PDE4D: variants seen among roughly 807,000 people sequenced by gnomAD.
The protein encoded by PDE4D is phosphodiesterase 4D, also known as 3',5'-cyclic-AMP phosphodiesterase 4D.
In PDE4D, 24 loss-of-function variants were observed where a neutral mutation model predicts 87.4. The observed-to-expected ratio is 0.27, with a 90% CI of 0.20 to 0.39. The LOEUF is 0.39. Among genes scored for constraint, PDE4D ranks in the 10% least tolerant of loss-of-function variants. The pLI is 1.00. For missense variants in PDE4D, 714 were observed against 1,041.0 expected (o/e 0.69, Z 4.32); for synonymous variants, 384 against 383.2 (o/e 1.00, Z -0.02).
Position 60,242,739 on chromosome 5 carries a change from T to C in PDE4D, c.-89-57052A>G, listed in dbSNP as rs544648042. On this transcript the variant is annotated intron_variant, in intron 1 of 16. Transcript: ENST00000502484. ...AATATGCTCCTGAATGACCAACGGG[T>C]CATGAAGAAATTAAGAGGGAAATTA... Among the ~76,000 whole-genome samples the C allele has an allele frequency of 2.6e-5, 4 of 151,926 alleles. No individual in the cohort carries two copies. The South Asian group carries it at 8.3e-4, about 32-fold the overall frequency.
At chr5:60,143,606 T>A (rs1468205331) in intron 2 of PDE4D, among the ~76,000 whole-genome samples, 1 of 28,846 alleles carries the variant, frequency 3.5e-5, no homozygotes, top group African/African-American at 1.1e-4. Flanking sequence ...TTGGGAATTG[T>A]GTGTGTGTGT....
At chr5:59,212,768 C>T (rs532086851) in intron 2 of PDE4D, among the ~76,000 whole-genome samples, 2 of 152,068 alleles carry the variant, frequency 1.3e-5, no homozygotes, top group Non-Finnish European at 2.9e-5. Context: ...TTTGTCAATA[C>T]CAAGCCTGAC....
At chr5:59,140,456 T>C (rs1777726869) in intron 5 of PDE4D, among the ~76,000 whole-genome samples, 1 of 152,148 alleles carries the variant, frequency 6.6e-6, no homozygotes, top group African/African-American at 2.4e-5. Flanking sequence ...ATTTCTTGGA[T>C]GGAAAATTTA....
At chr5:59,229,168 T>C (rs1337781334) in intron 1 of PDE4D, among the ~76,000 whole-genome samples, 2 of 152,158 alleles carry the variant, frequency 1.3e-5, no homozygotes, top group Admixed American at 6.5e-5. Flanking sequence ...TCTACTTTGT[T>C]CGTTAATGTG....
rs936815356 is a variant in PDE4D, at chr5:60,394,168, C to A, written c.-90+93774G>T. 2.0e-5 allele frequency among the ~76,000 whole-genome samples: 3 copies of A among 152,140 alleles called. No individual in the cohort carries two copies. The East Asian group carries it at 5.8e-4, about 29-fold the overall frequency. ...ATTCACCTTTGTCAAGTAGGTCTGT[C>A]CTATACTTTTAACATGAAGACTCCA... On this transcript the variant is annotated intron_variant, in intron 1 of 16. Transcript: ENST00000502484.
At chr5:59,751,938 C>T (rs1318173518) in intron 1 of PDE4D, among the ~76,000 whole-genome samples, 1 of 152,100 alleles carries the variant, frequency 6.6e-6, no homozygotes, top group Non-Finnish European at 1.5e-5. Context: ...TCAATGAGAT[C>T]ATCTAAGACA....
intron 1 of PDE4D, among the ~76,000 whole-genome samples, chr5:59,313,272 C>T (rs1773048739): frequency 6.6e-6 from 1 of 152,172 alleles, no homozygotes; most frequent in African/African-American, 2.4e-5. Context: ...ACCCCTTCCT[C>T]TAAAGATTCA....
intron 1 of PDE4D, among the ~76,000 whole-genome samples, chr5:59,705,604 T>C (rs1239626885): frequency 1.3e-5 from 2 of 152,164 alleles, no homozygotes; most frequent in Non-Finnish European, 2.9e-5. Context: ...CCTAATAAAA[T>C]TAGATGCTTT....
chr5:60,285,275 A>G (rs1228660598), intron 1 of PDE4D, among the ~76,000 whole-genome samples: 1 of 152,072 alleles, frequency 6.6e-6, no homozygotes, highest in Non-Finnish European at 1.5e-5. Context: ...CACAAAGGGG[A>G]CCTGAAGTAC....
chr5:60,460,553 T>C (rs1746844500), intron 1 of PDE4D: 4 of 1,363,110 alleles, frequency 2.9e-6, no homozygotes, highest in Admixed American at 3.4e-5. Context: ...ATCTCCTCAC[T>C]GGCTTCTTCA....
chr5:59,415,441 C>T (rs1021429374), intron 1 of PDE4D, among the ~76,000 whole-genome samples: 1 of 152,094 alleles, frequency 6.6e-6, no homozygotes, highest in Non-Finnish European at 1.5e-5. Flanking sequence ...CTGTCTAATA[C>T]GGCAGCCAAT....
rs1747682939 is a variant in PDE4D at position 58,990,598 on chromosome 5, T to C, written c.1287+206A>G. Among the ~76,000 whole-genome samples, 3 of 152,180 alleles carry C rather than the reference T, an allele frequency of 2.0e-5. No homozygotes were observed. In the South Asian group the frequency reaches 6.2e-4, roughly 32 times the overall value. On this transcript the variant is annotated intron_variant, in intron 9 of 14. Transcript: ENST00000340635. The stretch of plus-strand genomic sequence containing the variant: ...ATCTTTTTCTTAAATGCAAAAAAAA[T>C]AACAAAATTGATGTTATTTGTGGTT...
intron 1 of PDE4D, among the ~76,000 whole-genome samples, chr5:59,537,742 C>T (rs988902032): frequency 6.6e-6 from 1 of 152,156 alleles, no homozygotes; most frequent in African/African-American, 2.4e-5. Flanking sequence ...TAGAAGAAAA[C>T]TTCTAACATT....
intron 1 of PDE4D, among the ~76,000 whole-genome samples, chr5:59,709,734 C>T (rs1361831027): frequency 6.6e-6 from 1 of 152,084 alleles, no homozygotes; most frequent in South Asian, 2.1e-4. Context: ...AGGGAGTAGA[C>T]GATTTGAAGG....
chr5:60,512,147 A>G (rs1215325209), intron 1 of PDE4D, among the ~76,000 whole-genome samples: 1 of 152,208 alleles, frequency 6.6e-6, no homozygotes, highest in Non-Finnish European at 1.5e-5. Context: ...TGAGAAAGAT[A>G]TAAAATAATA....
rs75320102 is a variant in PDE4D at position 59,679,433 on chromosome 5, T to C, written c.455+213735A>G. On this transcript the variant is annotated intron_variant, in intron 1 of 14. Transcript: ENST00000340635. ...AGTCCTCCAAATAGGTAATCAGATA[T>C]ATCTGTGGTTATCTTCCCTCCATAA... is the stretch of plus-strand genomic sequence containing the variant. Among the ~76,000 whole-genome samples, 11 of 152,352 alleles carry C rather than the reference T, an allele frequency of 7.2e-5. No homozygotes were observed. In the East Asian group the frequency reaches 1.7e-3, roughly 24 times the overall value.
At chr5:59,410,584 GA>G (rs1792485207) in intron 1 of PDE4D, among the ~76,000 whole-genome samples, 1 of 152,056 alleles carries the variant, frequency 6.6e-6, no homozygotes, top group Non-Finnish European at 1.5e-5. Flanking sequence ...AAAAATTAGT[GA>G]GGACATATGC....
intron 1 of PDE4D, among the ~76,000 whole-genome samples, chr5:59,854,150 C>T (rs370954421): frequency 1.3e-5 from 2 of 152,026 alleles, no homozygotes; most frequent in Admixed American, 1.3e-4. Context: ...AAAGCAGATC[C>T]TTTTCTCCTT....
chr5:60,032,926 T>C (rs1396386421), intron 2 of PDE4D: 3 of 152,148 alleles, frequency 2.0e-5, no homozygotes, highest in Non-Finnish European at 4.4e-5. Flanking sequence ...GCAAACTCTT[T>C]ATTTCTTTGA....
Sources: gnomAD v4.1 joint callset for allele counts (sites outside exome capture counted in the v4.1 genomes callset) on GRCh38, gnomAD v4.1.1 for gene constraint, MANE v1.5 for transcripts, NCBI Gene and HGNC (gene_info 2026-07-23, HGNC 2026-07-21) for gene names.